The following ELMO1 variants were observed in gnomAD, a reference collection of about 807,000 sequenced individuals.
The protein encoded by ELMO1 is engulfment and cell motility 1, also known as engulfment and cell motility protein 1.
A neutral mutation model predicts 98.9 loss-of-function variants in ELMO1; 26 were observed. That is an observed-to-expected ratio of 0.26 (90% CI 0.19 to 0.36). ELMO1 has a LOEUF of 0.36. Among genes scored for constraint, ELMO1 ranks in the 10% least tolerant of loss-of-function variants. The pLI is 1.00. For synonymous variants in ELMO1, 346 were observed against 346.0 expected (o/e 1.00, Z 0.00); for missense variants, 627 against 935.2 (o/e 0.67, Z 4.30).
At chr7:36,913,971 C>T (rs1784511805) in intron 16 of ELMO1, among the ~76,000 whole-genome samples, 1 of 152,314 alleles carries the variant, frequency 6.6e-6, no homozygotes, top group South Asian at 2.1e-4. Flanking sequence ...TACAAACAAA[C>T]TGAAATTGTG....
intron 17 of ELMO1, among the ~76,000 whole-genome samples, chr7:36,889,078 CT>C (rs1805307980): frequency 6.6e-6 from 1 of 152,108 alleles, no homozygotes; most frequent in African/African-American, 2.4e-5. Flanking sequence ...GTGCAAACTG[CT>C]TTGATTTACT....
At chr7:37,216,600 G>C in intron 11 of ELMO1, 45 bp downstream of exon 11, 1 of 1,607,012 alleles carries the variant, frequency 6.2e-7, no homozygotes, top group East Asian at 2.2e-5. Context: ...AAATGCACCA[G>C]GCCACTCCTC....
At chr7:36,875,266 C>CT (rs3832465) in intron 19 of ELMO1, among the ~76,000 whole-genome samples, 37,156 of 151,248 alleles carry the variant, frequency 0.25, 4,724 homozygotes, top group South Asian at 0.43. Context: ...TTAGGCCGGG[C>CT]TTTTTTTTTG....
intron 10 of ELMO1, among the ~76,000 whole-genome samples, chr7:37,217,091 T>G (rs1179839680): frequency 2.0e-5 from 3 of 152,206 alleles, no homozygotes; most frequent in Non-Finnish European, 4.4e-5. Flanking sequence ...GCAAGGAGAT[T>G]CCAGTATCTT....
chr7:37,370,160 A>G (rs1802060234), intron 1 of ELMO1, among the ~76,000 whole-genome samples: 2 of 152,198 alleles, frequency 1.3e-5, no homozygotes, highest in South Asian at 4.1e-4. Flanking sequence ...GAAGACTGTT[A>G]TCTGCATAAT....
At chr7:37,073,923 A>G (rs569534257) in intron 15 of ELMO1, among the ~76,000 whole-genome samples, 5 of 151,476 alleles carry the variant, frequency 3.3e-5, no homozygotes, top group African/African-American at 9.6e-5. Context: ...ATATTAAAAT[A>G]TATTTCTATG....
In ELMO1 at chr7:37,399,737, T is replaced by C. The variant is rs73693561; in HGVS notation, c.-74+48938A>G. Among the ~76,000 whole-genome samples the C allele has an allele frequency of 6.4e-3, 981 of 152,282 alleles. 6 individuals are homozygous for C. The highest frequency in any genetic ancestry group is 0.023 in the African/African-American group (940 of 41,546). On this transcript the variant is annotated intron_variant, in intron 1 of 21. Coordinates refer to ENST00000310758, the MANE Select transcript of ELMO1 (RefSeq NM_014800.11). The stretch of plus-strand genomic sequence containing the variant: ...CATCTGCAGCATCATTACTGCTATA[T>C]CTTTAGGGGAGATTACATGATCTTC...
chr7:36,881,820 C>T (rs540080909), intron 18 of ELMO1, among the ~76,000 whole-genome samples: 1 of 152,184 alleles, frequency 6.6e-6, no homozygotes, highest in Non-Finnish European at 1.5e-5. Flanking sequence ...TACAGAACTT[C>T]CTACAATGAT....
At chr7:37,048,395 A>C (rs999963176) in intron 15 of ELMO1, among the ~76,000 whole-genome samples, 1 of 152,246 alleles carries the variant, frequency 6.6e-6, no homozygotes, top group Admixed American at 6.5e-5. Flanking sequence ...AACCAGTTAC[A>C]TTATATAACT....
At chr7:36,889,106 A>C (rs1805314490) in intron 17 of ELMO1, among the ~76,000 whole-genome samples, 1 of 152,148 alleles carries the variant, frequency 6.6e-6, no homozygotes, top group African/African-American at 2.4e-5. Flanking sequence ...AAAAAAGAAA[A>C]AAGTTACATA....
chr7:37,010,672 C>T (rs148261328), intron 16 of ELMO1, among the ~76,000 whole-genome samples: 18 of 152,316 alleles, frequency 1.2e-4, no homozygotes, highest in African/African-American at 3.8e-4. Context: ...GCTCTGCTGC[C>T]GCCTTGATTT....
At chr7:37,084,202 A>C (rs1783634079) in intron 15 of ELMO1, among the ~76,000 whole-genome samples, 2 of 152,214 alleles carry the variant, frequency 1.3e-5, no homozygotes, top group African/African-American at 2.4e-5. Context: ...GATGAAGAGG[A>C]GCCCTTTAGT....
chr7:36,972,388 C>T (rs1389833458), intron 16 of ELMO1, among the ~76,000 whole-genome samples: 2 of 152,222 alleles, frequency 1.3e-5, no homozygotes, highest in Admixed American at 6.5e-5. Flanking sequence ...CTTTTGAGTG[C>T]ACTCTATCAG....
chr7:37,096,239 G>A (rs1784359033), intron 15 of ELMO1, among the ~76,000 whole-genome samples: 1 of 151,954 alleles, frequency 6.6e-6, no homozygotes, highest in South Asian at 2.1e-4. Flanking sequence ...TCTTTATAGA[G>A]AAAAATTGCT....
At chr7:37,319,006 GCT>G (rs987151691) in intron 2 of ELMO1, among the ~76,000 whole-genome samples, 1 of 151,996 alleles carries the variant, frequency 6.6e-6, no homozygotes, top group African/African-American at 2.4e-5. Context: ...TTTACCTGTA[GCT>G]CTCTAATTCC....
At chr7:36,983,402 A>G (rs1017403889) in intron 16 of ELMO1, among the ~76,000 whole-genome samples, 4 of 152,176 alleles carry the variant, frequency 2.6e-5, no homozygotes, top group African/African-American at 9.7e-5. Flanking sequence ...GTTTAATTCA[A>G]CTACCTGTGG....
rs3054279 is a variant in ELMO1, at chr7:37,190,055, A to AAG, written c.1086+21330_1086+21331insCT. On this transcript the variant is annotated intron_variant, in intron 13 of 21. Coordinates refer to ENST00000310758, the MANE Select transcript of ELMO1 (RefSeq NM_014800.11). ...TTGTCCCTACCAAAAAAAAAAAAAA[A>AAG]GGAAGAAGAAATGATATTTAGCAGA... is the stretch of plus-strand genomic sequence containing the variant. 2.0e-5 allele frequency among the ~76,000 whole-genome samples: 3 copies of AAG among 150,022 alleles called. No homozygotes were observed. In the East Asian group the frequency reaches 5.9e-4, roughly 29 times the overall value.
At chr7:36,856,230 C>T (rs1802188127) in intron 21 of ELMO1, among the ~76,000 whole-genome samples, 1 of 152,214 alleles carries the variant, frequency 6.6e-6, no homozygotes, top group South Asian at 2.1e-4. Context: ...TCGGCCTGTC[C>T]TGTCTGATCC....
intron 18 of ELMO1, among the ~76,000 whole-genome samples, chr7:36,880,185 G>A (rs994483720): frequency 1.3e-5 from 2 of 152,220 alleles, no homozygotes; most frequent in Non-Finnish European, 2.9e-5. Flanking sequence ...GGGTGATAGA[G>A]GCTGGGAAGG....
Sources: gnomAD v4.1 joint callset for allele counts (sites outside exome capture counted in the v4.1 genomes callset) on GRCh38, gnomAD v4.1.1 for gene constraint, MANE v1.5 for transcripts, NCBI Gene and HGNC (gene_info 2026-07-23, HGNC 2026-07-21) for gene names.